Variants in TACC1 observed in about 807,000 individuals in gnomAD.
TACC1 encodes transforming acidic coiled-coil containing protein 1, also known as transforming acidic coiled-coil-containing protein 1.
A neutral mutation model predicts 84.4 loss-of-function variants in TACC1; 48 were observed. The observed-to-expected ratio is 0.57, with a 90% CI of 0.45 to 0.72. TACC1 has a LOEUF of 0.72. Ranked by LOEUF, TACC1 falls within the 30% of genes least tolerant of loss-of-function variation. The pLI, the probability that TACC1 is intolerant of heterozygous loss-of-function variation, is 0.00. For missense variants in TACC1, 920 were observed against 973.0 expected (o/e 0.95, Z 0.72); for synonymous variants, 372 against 376.3 (o/e 0.99, Z 0.13).
chr8:38,839,974 TG>T (rs1830898373), intron 8 of TACC1: 1 of 288,120 alleles, frequency 3.5e-6, no homozygotes, highest in Non-Finnish European at 6.4e-6. Context: ...GGAAGGCAGT[TG>T]GTTCTATAAG....
chr8:38,811,993 G>A (rs7843454), intron 2 of TACC1, among the ~76,000 whole-genome samples: 2,102 of 152,200 alleles, frequency 0.014, 50 homozygotes, highest in African/African-American at 0.048. Context: ...ATAAATGGCC[G>A]CTCTGGGAGT....
intron 3 of TACC1, among the ~76,000 whole-genome samples, chr8:38,778,624 A>G (rs1815318376): frequency 6.6e-6 from 1 of 152,146 alleles, no homozygotes; most frequent in African/African-American, 2.4e-5. Flanking sequence ...TGGCCCTAGC[A>G]CTGTGTTCAT....
intron 3 of TACC1, among the ~76,000 whole-genome samples, chr8:38,760,813 C>T (rs950717307): frequency 2.0e-5 from 3 of 152,168 alleles, no homozygotes; most frequent in Non-Finnish European, 2.9e-5. Flanking sequence ...TGAGCCACTG[C>T]GCCTGGCCTC....
At chr8:38,760,674 C>T (rs1811040884) in intron 3 of TACC1, among the ~76,000 whole-genome samples, 1 of 152,120 alleles carries the variant, frequency 6.6e-6, no homozygotes, top group South Asian at 2.1e-4. Context: ...CAGGCGCATA[C>T]CACCATGCCC....
At chr8:38,804,287 A>T (rs936243976) in intron 2 of TACC1, among the ~76,000 whole-genome samples, 5 of 152,092 alleles carry the variant, frequency 3.3e-5, no homozygotes, top group African/African-American at 1.2e-4. Context: ...GCCCACTGTT[A>T]GCACTGTTGC....
intron 3 of TACC1, among the ~76,000 whole-genome samples, chr8:38,780,403 C>G (rs916049655): frequency 2.6e-5 from 4 of 152,066 alleles, no homozygotes; most frequent in African/African-American, 9.7e-5. Context: ...CGCTCTGTTG[C>G]CCAGGCTGGA....
intron 3 of TACC1, among the ~76,000 whole-genome samples, chr8:38,773,111 A>G (rs962013440): frequency 4.6e-5 from 7 of 152,016 alleles, no homozygotes; most frequent in Non-Finnish European, 8.8e-5. Context: ...GTGGATCACA[A>G]GGTCAGGAGT....
In TACC1 at chr8:38,766,932, T is replaced by C. The variant is rs747131976; in HGVS notation, c.26+21439T>C. Among the ~76,000 whole-genome samples, 23 of 152,330 alleles carry C rather than the reference T, an allele frequency of 1.5e-4. No homozygotes were observed. The South Asian group carries it at 3.1e-3, about 21-fold the overall frequency. The stretch of plus-strand genomic sequence containing the variant: ...TTATCTACTAGAAAAGGAGTTTTTA[T>C]GGCTATTTCCTACTGATAAGATAGT... On this transcript the variant is annotated intron_variant, in intron 3 of 14. Transcript: ENST00000518415.
intron 6 of TACC1, among the ~76,000 whole-genome samples, chr8:38,832,217 A>G (rs553248681): frequency 4.5e-4 from 69 of 152,272 alleles, no homozygotes; most frequent in Non-Finnish European, 8.8e-4. Context: ...AGATGAAATG[A>G]CAACGTGAAA....
intron 9 of TACC1, 90 bp downstream of exon 9, chr8:38,840,357 T>A: frequency 1.7e-6 from 2 of 1,203,680 alleles, no homozygotes; most frequent in Non-Finnish European, 2.4e-6. Context: ...GTAAGCTAGG[T>A]AGCTTATAAA....
At chr8:38,809,728 C>T (rs767770078) in intron 2 of TACC1, among the ~76,000 whole-genome samples, 2 of 151,782 alleles carry the variant, frequency 1.3e-5, no homozygotes, top group Non-Finnish European at 2.9e-5. Flanking sequence ...GTCTGGGTAA[C>T]AGGAAAAAAA....
At chr8:38,843,140 T>A (rs576884997) in intron 10 of TACC1, 149 bp from the exon 11 acceptor site, 1 of 495,250 alleles carries the variant, frequency 2.0e-6, no homozygotes, top group African/African-American at 2.0e-5. Context: ...GAGAATTACA[T>A]GTGGCTATTT....
In TACC1 at chr8:38,819,859, C is replaced by T. The variant is rs146241259; in HGVS notation, c.615C>T (p.Leu205=). 1.5e-5 allele frequency: 25 copies of T among 1,613,792 alleles called. No homozygotes were observed. Among genetic ancestry groups the T allele is most frequent in the East Asian group, 4.5e-5 (2 of 44,900 alleles). The stretch of plus-strand genomic sequence containing the variant: ...CAGAAGGCAGCATGGGGGTCACCCT[C>T]GAGGCCTCCGCAGAAGCTGATCTAA... ...AMTEGSMGVT[L]EASAEADLKA... is the part of the protein sequence containing the mutation. The change falls in exon 3 of 13, where the codon CTC becomes CTT. Residue 205 remains leucine, a synonymous_variant. Coordinates refer to ENST00000317827, the MANE Select transcript of TACC1 (RefSeq NM_006283.3).
chr8:38,789,187 T>C (rs1004231940), intron 2 of TACC1, among the ~76,000 whole-genome samples: 21 of 152,314 alleles, frequency 1.4e-4, no homozygotes, highest in African/African-American at 4.8e-4. Flanking sequence ...AAATTACAGG[T>C]AAGACTTGAC....
chr8:38,807,194 T>C (rs1822965548), intron 2 of TACC1, among the ~76,000 whole-genome samples: 1 of 152,122 alleles, frequency 6.6e-6, no homozygotes, highest in Admixed American at 6.6e-5. Flanking sequence ...TTTTTATAAC[T>C]TGGTCTTCAG....
chr8:38,764,631 G>A (rs1219581795), intron 3 of TACC1, among the ~76,000 whole-genome samples: 1 of 151,900 alleles, frequency 6.6e-6, no homozygotes, highest in African/African-American at 2.4e-5. Flanking sequence ...ATATGGTGAG[G>A]CCAGCTAGCA....
At chr8:38,800,623 A>C (rs555261121) in intron 2 of TACC1, among the ~76,000 whole-genome samples, 68 of 152,248 alleles carry the variant, frequency 4.5e-4, no homozygotes, top group African/African-American at 1.5e-3. Context: ...ACAATACCCC[A>C]TTTTATTGAT....
At chr8:38,839,540 A>ATTCC (rs1377053192) in intron 8 of TACC1, 26 of 327,878 alleles carry the variant, frequency 7.9e-5, no homozygotes, top group Non-Finnish European at 1.4e-4. Flanking sequence ...AGGAAGGGAC[A>ATTCC]TTCCTGCTCT....
At chr8:38,782,913 A>C (rs1231336952), upstream of TACC1, among the ~76,000 whole-genome samples, 3 of 152,110 alleles carry the variant, frequency 2.0e-5, no homozygotes, top group East Asian at 3.8e-4. Context: ...TATCTTTTGC[A>C]CTCAACAACT....
Sources: allele counts gnomAD v4.1 joint callset (sites outside exome capture counted in the v4.1 genomes callset), GRCh38; gene constraint gnomAD v4.1.1; transcripts MANE v1.5; gene names NCBI Gene and HGNC (gene_info 2026-07-23, HGNC 2026-07-21).